ACSS1: variants seen among roughly 807,000 people sequenced by gnomAD.
ACSS1 encodes the protein acetyl-coenzyme A synthetase 2-like, mitochondrial.
ACSS1 carries 42 observed loss-of-function variants against 75.3 expected under a neutral mutation model. The observed-to-expected ratio is 0.56, with a 90% CI of 0.44 to 0.72. The LOEUF is 0.72. Among genes scored for constraint, ACSS1 ranks in the 30% least tolerant of loss-of-function variants. The pLI, the probability that ACSS1 is intolerant of heterozygous loss-of-function variation, is 0.00. For missense variants in ACSS1, 782 were observed against 935.7 expected, an observed-to-expected ratio of 0.84 and a Z score of 2.14; for synonymous variants, 380 against 376.8, an observed-to-expected ratio of 1.01 and a Z score of -0.10.
intron 2 of ACSS1, among the ~76,000 whole-genome samples, chr20:25,038,390 G>A (rs2122715497): frequency 6.6e-6 from 1 of 152,324 alleles, no homozygotes; most frequent in African/African-American, 2.4e-5. Context: ...CTACCAAGGT[G>A]GTCGTGGAGA....
At chr20:25,025,230 C>G (rs1201813593) in intron 3 of ACSS1, among the ~76,000 whole-genome samples, 1 of 152,190 alleles carries the variant, frequency 6.6e-6, no homozygotes, top group Non-Finnish European at 1.5e-5. Context: ...AAGGCGCACA[C>G]CTCACTCCTG....
chr20:25,038,663 C>T (rs754444428), intron 2 of ACSS1, among the ~76,000 whole-genome samples: 19 of 152,174 alleles, frequency 1.2e-4, no homozygotes, highest in South Asian at 4.1e-4. Flanking sequence ...CTCACCTGCA[C>T]AGCCTGCCTG....
chr20:25,047,054 T>G (rs950005418), intron 2 of ACSS1, among the ~76,000 whole-genome samples: 1 of 152,172 alleles, frequency 6.6e-6, no homozygotes, highest in African/African-American at 2.4e-5. Context: ...CTAGCATCAC[T>G]CGTCTGCCTC....
At chr20:25,054,499 G>A (rs950964098) in intron 1 of ACSS1, among the ~76,000 whole-genome samples, 1 of 152,254 alleles carries the variant, frequency 6.6e-6, no homozygotes, top group Admixed American at 6.5e-5. Flanking sequence ...CAAAACAGGT[G>A]CAAACACTCA....
At chr20:25,052,121 G>A (rs556821593) in intron 1 of ACSS1, among the ~76,000 whole-genome samples, 8 of 152,266 alleles carry the variant, frequency 5.3e-5, no homozygotes, top group South Asian at 2.1e-4. Flanking sequence ...GTTCCTGCTA[G>A]TGCTTCAATT....
intron 7 of ACSS1, among the ~76,000 whole-genome samples, chr20:25,017,830 G>A (rs1379802378): frequency 3.3e-5 from 5 of 152,232 alleles, no homozygotes; most frequent in Non-Finnish European, 4.4e-5. Context: ...CAAATCCCAT[G>A]AGTGTATCTG....
At chr20:25,025,872 A>T (rs2088706323) in intron 3 of ACSS1, among the ~76,000 whole-genome samples, 1 of 152,034 alleles carries the variant, frequency 6.6e-6, no homozygotes, top group African/African-American at 2.4e-5. Flanking sequence ...TGCATTAAGG[A>T]TGTGGGATTA....
intron 12 of ACSS1, chr20:25,011,397 C>A (rs1417112523): frequency 6.6e-6 from 1 of 152,334 alleles, no homozygotes; most frequent in Non-Finnish European, 1.5e-5. Flanking sequence ...GGCTCAGCCA[C>A]TGGACTCAGA....
intron 2 of ACSS1, among the ~76,000 whole-genome samples, chr20:25,033,861 T>C (rs1376578580): frequency 1.3e-5 from 2 of 152,132 alleles, no homozygotes; most frequent in African/African-American, 2.4e-5. Flanking sequence ...ATTTTCCCTA[T>C]AGGGGCAGAA....
At chr20:25,049,702 C>A (rs1399741873) in intron 1 of ACSS1, among the ~76,000 whole-genome samples, 1 of 152,156 alleles carries the variant, frequency 6.6e-6, no homozygotes, top group East Asian at 1.9e-4. Flanking sequence ...ACGGAGACAG[C>A]GCCCGCACCA....
chr20:25,009,216 A>G, intron 13 of ACSS1, 54 bp downstream of exon 13: 1 of 1,402,220 alleles, frequency 7.1e-7, no homozygotes, highest in Non-Finnish European at 1.0e-6. Flanking sequence ...TTGTCACTTG[A>G]CAATTGTGGG....
intron 5 of ACSS1, 90 bp from the exon 6 acceptor site, chr20:25,021,626 G>A: frequency 6.7e-7 from 1 of 1,502,628 alleles, no homozygotes; most frequent in Non-Finnish European, 9.0e-7. Flanking sequence ...TGCATAGGCT[G>A]CAGTCCATAG....
At chr20:25,017,727 A>G (rs1329516999) in intron 7 of ACSS1, among the ~76,000 whole-genome samples, 1 of 151,960 alleles carries the variant, frequency 6.6e-6, no homozygotes, top group African/African-American at 2.4e-5. Flanking sequence ...TACACATCCC[A>G]CTCTAATGCA....
At chr20:25,025,244 C>T (rs537705904) in intron 3 of ACSS1, among the ~76,000 whole-genome samples, 44 of 152,328 alleles carry the variant, frequency 2.9e-4, no homozygotes, top group South Asian at 4.1e-4. Flanking sequence ...ACTCCTGACT[C>T]GCACCTGTCC....
chr20:25,048,722 C>A (rs1451995789), intron 1 of ACSS1, among the ~76,000 whole-genome samples: 1 of 152,252 alleles, frequency 6.6e-6, no homozygotes, highest in Non-Finnish European at 1.5e-5. Flanking sequence ...AGTAAACCAG[C>A]CTTGTTCCAA....
chr20:25,038,157 C>G (rs1426833998), intron 2 of ACSS1, among the ~76,000 whole-genome samples: 2 of 152,208 alleles, frequency 1.3e-5, no homozygotes, highest in African/African-American at 4.8e-5. Context: ...GTAACAAGAT[C>G]ACTAAAGCTA....
chr20:25,012,696 G>T lies in ACSS1; in HGVS notation c.1708-32C>A, dbSNP rs200044972. 2.1e-4 allele frequency: 339 copies of T among 1,614,148 alleles called. No homozygotes were observed. In the East Asian group the frequency reaches 7.4e-3, roughly 35 times the overall value. On this transcript the variant is annotated intron_variant, in intron 11 of 13. Coordinates refer to ENST00000323482, the MANE Select transcript of ACSS1 (RefSeq NM_032501.4). ...ACAACAGAGAACAAAAGGGCAAAAT[G>T]TGGCGGCCCCGGGTGCTAGAAGTGA...
At chr20:25,053,181 A>G (rs1034245999) in intron 1 of ACSS1, among the ~76,000 whole-genome samples, 5 of 146,204 alleles carry the variant, frequency 3.4e-5, no homozygotes, top group African/African-American at 1.3e-4. Flanking sequence ...CTCCCACCTC[A>G]GCCTTCCAAG....
chr20:25,037,927 A>G (rs185384919), intron 2 of ACSS1, among the ~76,000 whole-genome samples: 1 of 152,376 alleles, frequency 6.6e-6, no homozygotes, highest in Non-Finnish European at 1.5e-5. Flanking sequence ...ACAGAAGACC[A>G]GGAAGTCAGC....
Sources: allele counts gnomAD v4.1 joint callset (sites outside exome capture counted in the v4.1 genomes callset), GRCh38; gene constraint gnomAD v4.1.1; transcripts MANE v1.5; gene names NCBI Gene and HGNC (gene_info 2026-07-23, HGNC 2026-07-21).